The following NAV3 variants were observed in gnomAD, a reference collection of about 807,000 sequenced individuals.
NAV3 encodes pore membrane and/or filament interacting like protein 1.
Under a neutral mutation model 244.7 loss-of-function variants are expected in NAV3, and 87 were observed. The ratio of observed to expected loss-of-function variants is 0.36; its 90% CI spans 0.30 to 0.42. NAV3 has a LOEUF of 0.42. NAV3 is among the 20% of genes least tolerant of loss of function. The pLI is 1.00. For synonymous variants in NAV3, 1,126 were observed against 1,042.2 expected, an observed-to-expected ratio of 1.08 and a Z score of -1.55; for missense variants, 2,663 against 2,893.3, an observed-to-expected ratio of 0.92 and a Z score of 1.83.
intron 2 of NAV3, among the ~76,000 whole-genome samples, chr12:77,696,538 A>G (rs564369201): frequency 6.6e-6 from 1 of 152,274 alleles, no homozygotes; most frequent in East Asian, 1.9e-4. Context: ...TGGAGAGACC[A>G]TGAAGCAGAG....
intron 2 of NAV3, 86 bp downstream of exon 2, chr12:77,940,522 A>G (rs1331582547): frequency 1.1e-6 from 1 of 951,438 alleles, no homozygotes; most frequent in African/African-American, 1.6e-5. Context: ...CGCCTTACTG[A>G]ACTGGTCCAT....
chr12:77,657,826 C>A (rs1477048573), intron 2 of NAV3, among the ~76,000 whole-genome samples: 1 of 152,026 alleles, frequency 6.6e-6, no homozygotes, highest in Non-Finnish European at 1.5e-5. Flanking sequence ...TAAATGTAAT[C>A]CAGCATATAA....
intron 12 of NAV3, among the ~76,000 whole-genome samples, chr12:78,109,150 A>C (rs1346571875): frequency 6.6e-6 from 1 of 152,108 alleles, no homozygotes; most frequent in Non-Finnish European, 1.5e-5. Context: ...AATAAAAAGG[A>C]TCATCAGAGA....
At chr12:77,903,518 T>G (rs982704281) in intron 1 of NAV3, among the ~76,000 whole-genome samples, 10 of 152,156 alleles carry the variant, frequency 6.6e-5, no homozygotes, top group African/African-American at 2.4e-4. Context: ...GACTTAAATG[T>G]TAGACCTAAA....
Position 78,122,270 on chromosome 12 carries a change from T to C in NAV3, c.4080T>C (p.Thr1360=), listed in dbSNP as rs2138698273. The change falls in exon 16 of 40, where the codon ACT becomes ACC. Residue 1360 remains threonine (T), a synonymous_variant. Transcript: ENST00000397909. The stretch of plus-strand genomic sequence containing the variant: ...GTTCCTCTGCAGGCAGCAAGGATAC[T>C]CCGAGCTACCAGTCCATGACTAGCC... The part of the protein sequence containing the change: ...MSSSSAGSKD[T]PSYQSMTSLH... 1 of 1,614,122 alleles carries C rather than the reference T, an allele frequency of 6.2e-7. No individual in the cohort carries two copies.
intron 21 of NAV3, among the ~76,000 whole-genome samples, chr12:78,148,045 A>G (rs192992226): frequency 3.9e-5 from 6 of 152,216 alleles, no homozygotes; most frequent in Non-Finnish European, 7.4e-5. Flanking sequence ...GATATAATAT[A>G]TCCTTACCCT....
At position 77,676,648 on chromosome 12, in the gene NAV3, G is replaced by A. The variant is rs966964170; in HGVS notation, c.72+104382G>A. 2.0e-5 allele frequency among the ~76,000 whole-genome samples: 3 copies of A among 150,926 alleles called. 1 individual carries two copies. Among genetic ancestry groups the A allele is most frequent in the Non-Finnish European group, 1.5e-5 (1 of 67,862 alleles). ...GCAGGTTTGTTACATAGGCATACAT[G>A]TGCCAGGGTGATTTGCTGCACCTAT... On this transcript the variant is annotated intron_variant, in intron 2 of 8. Coordinates refer to the NAV3 transcript ENST00000550042.
intron 2 of NAV3, among the ~76,000 whole-genome samples, chr12:77,661,134 G>T (rs1386281485): frequency 1.3e-5 from 2 of 152,078 alleles, no homozygotes; most frequent in Non-Finnish European, 2.9e-5. Context: ...TGCTAAGTTT[G>T]TATTTAACTT....
chr12:77,860,704 A>G (rs1879135501), intron 1 of NAV3, among the ~76,000 whole-genome samples: 2 of 151,890 alleles, frequency 1.3e-5, no homozygotes, highest in Admixed American at 6.6e-5. Context: ...GCAGATGTGA[A>G]TGCCTAAAGT....
intron 2 of NAV3, among the ~76,000 whole-genome samples, chr12:77,717,085 C>T (rs1463709908): frequency 6.6e-6 from 1 of 152,078 alleles, no homozygotes; most frequent in Non-Finnish European, 1.5e-5. Flanking sequence ...GGAGAATTAT[C>T]GAGCATCTCT....
Position 77,629,431 on chromosome 12 carries a change from G to T in NAV3, c.72+57165G>T, listed in dbSNP as rs185879282. ...GACATTTTTAAGCTGACCTGGCAAT[G>T]CTGAGATCATCCACAAATATTTATT... On this transcript the variant is annotated intron_variant, in intron 2 of 8. Transcript: ENST00000550042. Among the ~76,000 whole-genome samples the T allele has an allele frequency of 3.9e-5, 6 of 152,268 alleles. No homozygotes were observed. The East Asian group carries it at 1.2e-3, about 29-fold the overall frequency.
chr12:78,060,317 C>T (rs929797868), intron 12 of NAV3, among the ~76,000 whole-genome samples: 1 of 152,064 alleles, frequency 6.6e-6, no homozygotes, highest in Admixed American at 6.6e-5. Flanking sequence ...AGGCTAGATA[C>T]CCAGGGAATT....
intron 2 of NAV3, among the ~76,000 whole-genome samples, chr12:77,671,235 C>T (rs996418377): frequency 3.3e-5 from 5 of 152,020 alleles, no homozygotes; most frequent in African/African-American, 9.7e-5. Flanking sequence ...AAACAAAATA[C>T]TTAGGACTAT....
intron 2 of NAV3, among the ~76,000 whole-genome samples, chr12:77,593,685 A>G (rs1198296222): frequency 1.4e-5 from 2 of 144,630 alleles, no homozygotes; most frequent in Non-Finnish European, 3.0e-5. Flanking sequence ...CATGTTGGCC[A>G]GGGTGGTATA....
At chr12:78,199,611 A>G (rs79157113) in intron 37 of NAV3, 80 bp downstream of exon 37, 1 of 1,056,216 alleles carries the variant, frequency 9.5e-7, no homozygotes, top group South Asian at 1.9e-5. Flanking sequence ...ATGGTAGAAA[A>G]TAACAAGCAA....
At chr12:77,832,270 C>T (rs984612780) in intron 1 of NAV3, among the ~76,000 whole-genome samples, 2 of 152,156 alleles carry the variant, frequency 1.3e-5, no homozygotes, top group Non-Finnish European at 2.9e-5. Flanking sequence ...AAACGCTACT[C>T]TTTTACTTAT....
chr12:78,178,155 A>G (rs997143318), intron 28 of NAV3, among the ~76,000 whole-genome samples: 3 of 123,484 alleles, frequency 2.4e-5, no homozygotes, highest in Non-Finnish European at 3.3e-5. Flanking sequence ...CTTCCTCAAA[A>G]TAGTGTTTTT....
chr12:77,947,584 A>T (rs1009389068), intron 3 of NAV3: 3 of 151,962 alleles, frequency 2.0e-5, no homozygotes, highest in African/African-American at 7.2e-5. Context: ...CAGTCACATG[A>T]TCCCTTGACT....
chr12:77,679,558 C>A (rs1480429004), intron 2 of NAV3, among the ~76,000 whole-genome samples: 1 of 150,840 alleles, frequency 6.6e-6, no homozygotes. Context: ...AAAAAAAAAT[C>A]AATGAGTTGT....
Sources: gnomAD v4.1 joint callset for allele counts (sites outside exome capture counted in the v4.1 genomes callset) on GRCh38, gnomAD v4.1.1 for gene constraint, MANE v1.5 for transcripts, NCBI Gene and HGNC (gene_info 2026-07-23, HGNC 2026-07-21) for gene names.